FBXL18: variants seen among roughly 807,000 people sequenced by gnomAD.
FBXL18 encodes F-box and leucine rich repeat protein 18.
Under a neutral mutation model 46.0 loss-of-function variants are expected in FBXL18, and 36 were observed. That is an observed-to-expected ratio of 0.78 (90% CI 0.60 to 1.03). The LOEUF (loss-of-function observed/expected upper bound fraction) is 1.03. FBXL18 is among the 50% of genes least tolerant of loss of function. FBXL18 has a pLI of 0.00. For synonymous variants in FBXL18, 557 were observed against 465.3 expected (o/e 1.20, Z -2.54); for missense variants, 977 against 1,004.1 (o/e 0.97, Z 0.36).
At chr7:5,458,055 A>G (rs1205799284) in intron 4 of FBXL18, among the ~76,000 whole-genome samples, 1 of 150,492 alleles carries the variant, frequency 6.6e-6, no homozygotes, top group South Asian at 2.2e-4. Flanking sequence ...CCAGAGGAGA[A>G]TTGTTCATTT....
Position 5,488,034 on chromosome 7 carries a change from G to C in FBXL18, c.2000+3197C>G, listed in dbSNP as rs193186963. 4.0e-4 allele frequency among the ~76,000 whole-genome samples: 61 copies of C among 152,378 alleles called. 1 individual carries two copies. In the Middle Eastern group the frequency reaches 0.014, roughly 34 times the overall value. ...CCCTCTGGGGCCACCTGCGAGCTCA[G>C]CGCCGGGCTCAGCTTGTGCCTGAGG... On this transcript the variant is annotated intron_variant, in intron 4 of 4. Coordinates refer to ENST00000382368, the MANE Select transcript of FBXL18 (RefSeq NM_024963.6).
chr7:5,463,728 ATTTTTT>A lies in FBXL18; in HGVS notation c.2001-15891_2001-15886del, dbSNP rs552002078. ...TATTTATTTATTTATTTATTTATTT[ATTTTTT>A]TTTTTTTTTTTTTTTTTTTTTTTTG... On this transcript the variant is annotated intron_variant and NMD_transcript_variant, in intron 4 of 6. Transcript: ENST00000415009. Among the ~76,000 whole-genome samples the A allele has an allele frequency of 5.3e-3, 280 of 52,976 alleles. 2 individuals are homozygous for A. Among genetic ancestry groups the A allele is most frequent in the Middle Eastern group, 0.029 (3 of 102 alleles). 34.8% of individuals were successfully genotyped at this position (52,976 alleles called of 152,430 possible). A position where few individuals can be genotyped will look rare whatever the true frequency, so the allele number is the denominator to read the frequency against.
At chr7:5,510,969 C>T (rs1029051753) in intron 1 of FBXL18, among the ~76,000 whole-genome samples, 3 of 152,176 alleles carry the variant, frequency 2.0e-5, no homozygotes, top group Admixed American at 6.5e-5. Context: ...TTTAGTTATT[C>T]GCTAAACTCT....
At position 5,480,111 on chromosome 7, in the gene FBXL18, G is replaced by T. The variant is rs1783602641; in HGVS notation, c.*1664C>A. On this transcript the variant is annotated 3_prime_UTR_variant, in exon 5 of 5. Transcript: ENST00000382368. ...AAAACCATCCCCACTCAGGGGCAGG[G>T]CCGGTGATTGGAGGCCTGGGGATGG... Among the ~76,000 whole-genome samples, 3 of 152,210 alleles carry T rather than the reference G, an allele frequency of 2.0e-5. No homozygotes were observed. In the South Asian group the frequency reaches 6.2e-4, roughly 32 times the overall value.
chr7:5,493,992 G>T (rs543238449), intron 3 of FBXL18, among the ~76,000 whole-genome samples: 1 of 152,028 alleles, frequency 6.6e-6, no homozygotes, highest in African/African-American at 2.4e-5. Context: ...AGCCAGGCAG[G>T]CCGGGCACGG....
At position 5,477,309 on chromosome 7, in the gene FBXL18, C is replaced by T. The variant is rs7808325; in HGVS notation, c.*4466G>A. Among the ~76,000 whole-genome samples the T allele has an allele frequency of 0.45, 68,265 of 152,138 alleles. 15,608 individuals carry two copies. Among genetic ancestry groups the T allele is most frequent in the East Asian group, 0.66 (3,435 of 5,178 alleles). ...GGAACTGGCAGCAGCGCTCTGCCCA[C>T]GTCCACAGGAAGTGGCCGACGTCTC... is the stretch of plus-strand genomic sequence containing the variant. On this transcript the variant is annotated 3_prime_UTR_variant, in exon 5 of 5. Coordinates refer to ENST00000382368, the MANE Select transcript of FBXL18 (RefSeq NM_024963.6). This position sits in a 1 kb window ranked among gnomAD's most constrained non-coding sequence, Gnocchi z 4.4.
intron 3 of FBXL18, among the ~76,000 whole-genome samples, chr7:5,492,609 A>T (rs1783959260): frequency 6.6e-6 from 1 of 152,006 alleles, no homozygotes; most frequent in African/African-American, 2.4e-5. Context: ...ATTTGGAGGC[A>T]GGTTTGTTGC....
rs796479775 is a variant in FBXL18 at position 5,496,763 on chromosome 7, C to T, written c.1781+3725G>A. ...CCAGGCGGCCGGGCACAGTGGCTTA[C>T]GCCTGTAATCCCACCACTTTGGGAG... is the stretch of plus-strand genomic sequence containing the variant. On this transcript the variant is annotated intron_variant, in intron 3 of 4. Transcript: ENST00000382368. This position sits in a 1 kb window ranked among gnomAD's most constrained non-coding sequence, Gnocchi z 4.8. Among the ~76,000 whole-genome samples, 11 of 152,122 alleles carry T rather than the reference C, an allele frequency of 7.2e-5. No individual in the cohort carries two copies. Among genetic ancestry groups the T allele is most frequent in the Admixed American group, 3.3e-4 (5 of 15,258 alleles).
At chr7:5,458,978 C>T (rs1205147738) in intron 4 of FBXL18, among the ~76,000 whole-genome samples, 2 of 152,030 alleles carry the variant, frequency 1.3e-5, no homozygotes, top group Non-Finnish European at 1.5e-5. Context: ...AAGACCCCTC[C>T]ACCCACAGCC....
chr7:5,512,297 TAAAAA>T (rs71004681), intron 1 of FBXL18, among the ~76,000 whole-genome samples: 6 of 85,524 alleles, frequency 7.0e-5, no homozygotes, highest in South Asian at 4.0e-4. Context: ...AAGTGTTATT[TAAAAA>T]AAAAAAAAAA....
At position 5,500,704 on chromosome 7, in the gene FBXL18, G is replaced by A. The variant is rs770667633; in HGVS notation, c.1565C>T (p.Ser522Leu). 14 of 1,610,832 alleles carry A rather than the reference G, an allele frequency of 8.7e-6. No individual in the cohort carries two copies. Among genetic ancestry groups the A allele is most frequent in the African/African-American group, 1.3e-5 (1 of 74,898 alleles). Residue 522 changes from serine (S) to leucine (L), a missense_variant, in exon 3 of 5, where the codon TCG (serine) becomes TTG (leucine). By Grantham distance (145) the Ser-to-Leu change is moderately radical. Coordinates refer to ENST00000382368, the MANE Select transcript of FBXL18 (RefSeq NM_024963.6). ...CAGCTGGCCGATGGCGGCCACCTCCGAGTCCCCGACACTCTGTGCGCGGCT... is the reference window on the plus strand; with the variant it reads ...CAGCTGGCCGATGGCGGCCACCTCCAAGTCCCCGACACTCTGTGCGCGGCT... ...PCSRAQSVGD[S>L]EVAAIGQLAF...
At chr7:5,486,063 AAAT>A (rs1402399608) in intron 4 of FBXL18, among the ~76,000 whole-genome samples, 1 of 12,552 alleles carries the variant, frequency 8.0e-5, no homozygotes, top group African/African-American at 1.4e-3. Context: ...TGTCTCAAAA[AAAT>A]AAATAAATAA....
chr7:5,501,418 T>C lies in FBXL18; in HGVS notation c.851A>G (p.Asp284Gly). ...AESGATKNLLDSMARNVVLDA... is the reference protein window; with the variant it reads ...AESGATKNLLGSMARNVVLDA... The stretch of plus-strand genomic sequence containing the variant: ...CAGCACGACATTGCGCGCCATGGAG[T>C]CCAGGAGGTTCTTGGTGGCGCCGCT... The change falls in exon 3 of 5, where the codon GAC becomes GGC. Residue 284 changes from aspartate to glycine, a missense_variant. Transcript: ENST00000382368. 1.9e-6 allele frequency: 3 copies of C among 1,613,092 alleles called. No individual in the cohort carries two copies. The highest frequency in any genetic ancestry group is 1.7e-6 in the Non-Finnish European group (2 of 1,179,898).
Position 5,481,975 on chromosome 7 carries a change from G to A in FBXL18, c.2001-44C>T, listed in dbSNP as rs757933015. On this transcript the variant is annotated intron_variant, in intron 4 of 4. Transcript: ENST00000382368. The stretch of plus-strand genomic sequence containing the variant: ...GTCAGCGGATTACATGGGTGGCCAC[G>A]GAGGGGGCGGAGCCTGCTGGGGAAG... 27 of 1,559,128 alleles carry A rather than the reference G, an allele frequency of 1.7e-5. 1 individual carries two copies. Among genetic ancestry groups the A allele is most frequent in the South Asian group, 4.9e-5 (4 of 81,938 alleles).
Position 5,513,746 on chromosome 7 carries a change from C to A in FBXL18, c.-72G>T. 1.3e-6 allele frequency: 2 copies of A among 1,556,676 alleles called. No individual in the cohort carries two copies. Among genetic ancestry groups the A allele is most frequent in the Non-Finnish European group, 8.7e-7 (1 of 1,150,028 alleles). ...CCTCCCACCTGCCCGGCTAGGGATG[C>A]TCGAAGCCGGCGCGTCCACCGCTCA... On this transcript the variant is annotated 5_prime_UTR_variant, in exon 1 of 5. Transcript: ENST00000382368.
At chr7:5,456,073 C>T (rs1439668970) in intron 4 of FBXL18, among the ~76,000 whole-genome samples, 1 of 152,170 alleles carries the variant, frequency 6.6e-6, no homozygotes, top group Non-Finnish European at 1.5e-5. Context: ...CCGTTCTGCA[C>T]TGGCCCGGTC....
In FBXL18 at chr7:5,481,607, G is replaced by C. The variant is rs561403043; in HGVS notation, c.*168C>G. ...TCGACCTAAACTTCACAGAGCAACA[G>C]TCCCCATGAGAGAGCCGTGGAGACG... On this transcript the variant is annotated 3_prime_UTR_variant, in exon 5 of 5. Transcript: ENST00000382368. 34 of 701,242 alleles carry C rather than the reference G, an allele frequency of 4.8e-5. No individual in the cohort carries two copies. The African/African-American group carries it at 5.2e-4, about 11-fold the overall frequency. The allele number at this position is 701,242 out of a possible 1,614,324, so 43.4% of individuals were successfully genotyped here.
In FBXL18 at chr7:5,490,336, G is replaced by A. The variant is rs147292968; in HGVS notation, c.2000+895C>T. The A allele has an allele frequency of 5.9e-5, 63 of 1,060,188 alleles. No individual in the cohort carries two copies. In the Admixed American group the frequency reaches 7.3e-4, roughly 12 times the overall value. 65.7% of individuals were successfully genotyped at this position (1,060,188 alleles called of 1,614,324 possible). ...GTCCTCCTGAGAGGTCTTGAAATGC[G>A]TCACTCCCCACATCGCCTACCAAGC... is the stretch of plus-strand genomic sequence containing the variant. On this transcript the variant is annotated intron_variant, in intron 4 of 4. Coordinates refer to ENST00000382368, the MANE Select transcript of FBXL18 (RefSeq NM_024963.6).
At position 5,478,669 on chromosome 7, in the gene FBXL18, C is replaced by T. The variant is rs1260595894; in HGVS notation, c.*3106G>A. The T allele has an allele frequency of 6.6e-6, 1 of 152,498 alleles. No individual in the cohort carries two copies. Among genetic ancestry groups the T allele is most frequent in the Non-Finnish European group, 1.5e-5 (1 of 68,206 alleles). The allele number at this position is 152,498 out of a possible 1,614,324, so 9.4% of individuals were successfully genotyped here. A position where few individuals can be genotyped will look rare whatever the true frequency, so the allele number is the denominator to read the frequency against. ...CTCCAACCCCACAGTCTCTCCCTCA[C>T]ATACACACACGGAAGACGTGACTCA... On this transcript the variant is annotated 3_prime_UTR_variant, in exon 5 of 5. Transcript: ENST00000382368.
Sources: gnomAD v4.1 joint callset for allele counts (sites outside exome capture counted in the v4.1 genomes callset) on GRCh38, gnomAD v4.1.1 for gene constraint, Gnocchi (gnomAD v3.1) non-coding constraint, MANE v1.5 for transcripts, NCBI Gene and HGNC (gene_info 2026-07-23, HGNC 2026-07-21) for gene names.